HABP2: variants seen among roughly 807,000 people sequenced by gnomAD.
The protein encoded by HABP2 is hyaluronan binding protein 2, also known as factor VII-activating protease.
HABP2 carries 65 observed loss-of-function variants against 66.5 expected under a neutral mutation model. The observed-to-expected ratio is 0.98, with a 90% confidence interval of 0.80 to 1.20. The LOEUF (loss-of-function observed/expected upper bound fraction) is 1.20, where lower values mean the gene tolerates loss of function less well. HABP2 is among the 50% of genes most tolerant of loss of function. The pLI, the probability that HABP2 is intolerant of heterozygous loss-of-function variation, is 0.00. For missense variants in HABP2, 786 were observed against 691.0 expected (o/e 1.14, Z -1.54); for synonymous variants, 263 against 253.9 (o/e 1.04, Z -0.34).
upstream of HABP2, among the ~76,000 whole-genome samples, chr10:113,552,274 G>T (rs566490396): frequency 6.6e-6 from 1 of 152,292 alleles, no homozygotes; most frequent in South Asian, 2.1e-4. Context: ...ATTTCTGTGG[G>T]CAGTCAGTTG....
At chr10:113,552,996 A>G, upstream of HABP2, 1 of 699,128 alleles carries the variant, frequency 1.4e-6, no homozygotes, top group Non-Finnish European at 2.6e-6. Flanking sequence ...TTTGATGCCT[A>G]GTTAATAATT....
At chr10:113,581,739 C>A (rs548966688) in intron 8 of HABP2, 137 bp from the exon 9 acceptor site, 1 of 774,780 alleles carries the variant, frequency 1.3e-6, no homozygotes, top group African/African-American at 1.7e-5. Flanking sequence ...GCATGCCCAC[C>A]CTGTCTGCAC....
intron 2 of HABP2, among the ~76,000 whole-genome samples, chr10:113,570,680 T>TA (rs1845290791): frequency 6.6e-6 from 1 of 152,254 alleles, no homozygotes; most frequent in South Asian, 2.1e-4. Context: ...ACCCATTTCT[T>TA]ACACAGTTTC....
intron 6 of HABP2, 112 bp from the exon 7 acceptor site, chr10:113,578,515 C>T (rs555344350): frequency 6.8e-5 from 49 of 724,818 alleles, no homozygotes; most frequent in Middle Eastern, 3.4e-4. Flanking sequence ...AATCTCAGGG[C>T]GATAAATATG....
intron 1 of HABP2, among the ~76,000 whole-genome samples, chr10:113,567,210 G>A (rs553060763): frequency 5.9e-5 from 9 of 152,320 alleles, no homozygotes; most frequent in South Asian, 2.1e-4. Context: ...CTGGGCAGCC[G>A]TGTTCCAAAG....
At chr10:113,567,337 T>C (rs111226867) in intron 1 of HABP2, 152 bp from the exon 2 acceptor site, 2 of 675,484 alleles carry the variant, frequency 3.0e-6, no homozygotes, top group African/African-American at 3.5e-5. Context: ...TAGACCCCAT[T>C]GCCCCTCCCT....
At chr10:113,554,057 A>G (rs1166459565) in intron 1 of HABP2, among the ~76,000 whole-genome samples, 1 of 152,200 alleles carries the variant, frequency 6.6e-6, no homozygotes, top group Non-Finnish European at 1.5e-5. Context: ...AATGTTGGGC[A>G]AGGAACATAA....
intron 4 of HABP2, 150 bp downstream of exon 4, chr10:113,576,154 AGC>A (rs1223464995): frequency 5.0e-6 from 3 of 603,434 alleles, no homozygotes; most frequent in Non-Finnish European, 8.9e-6. Flanking sequence ...GGTCCCAGGC[AGC>A]CTCTCACTGG....
At chr10:113,553,475 T>A (rs1263373784) in intron 1 of HABP2, among the ~76,000 whole-genome samples, 1 of 152,246 alleles carries the variant, frequency 6.6e-6, no homozygotes, top group African/African-American at 2.4e-5. Flanking sequence ...GCATGGATTG[T>A]AATCTGTCAT....
rs1845589373 is a variant in HABP2, at chr10:113,584,013, C to G, written c.1238-135C>G. ...GTGGAAGTTCAAAATATGAAATGAC[C>G]ACGGAAGAAGATTTTCAGGCATGGT... On this transcript the variant is annotated intron_variant, in intron 10 of 12. Transcript: ENST00000351270. 5 of 666,740 alleles carry G rather than the reference C, an allele frequency of 7.5e-6. No individual in the cohort carries two copies. The South Asian group carries it at 9.9e-5, about 13-fold the overall frequency. The allele number at this position is 666,740 out of a possible 1,614,324, so 41.3% of individuals were successfully genotyped here. A position where few individuals can be genotyped will look rare whatever the true frequency, so the allele number is the denominator to read the frequency against.
intron 4 of HABP2, among the ~76,000 whole-genome samples, chr10:113,576,412 A>G (rs1448710671): frequency 1.3e-5 from 2 of 152,196 alleles, no homozygotes; most frequent in Non-Finnish European, 2.9e-5. Flanking sequence ...GGGGCATTTG[A>G]TCAAGGTCAC....
At chr10:113,555,365 G>A (rs1027627827) in intron 1 of HABP2, among the ~76,000 whole-genome samples, 5 of 152,180 alleles carry the variant, frequency 3.3e-5, no homozygotes, top group Non-Finnish European at 7.3e-5. Flanking sequence ...AGATTTCTTT[G>A]GTTCGTACAG....
chr10:113,574,497 C>T, intron 3 of HABP2, 92 bp downstream of exon 3: 1 of 690,942 alleles, frequency 1.4e-6, no homozygotes, highest in Non-Finnish European at 2.6e-6. Flanking sequence ...CTCTCCGCCT[C>T]TCTGGCCAGT....
At position 113,578,027 on chromosome 10, in the gene HABP2, G is replaced by A; in HGVS notation, c.450G>A (p.Val150=). 1.2e-6 allele frequency: 2 copies of A among 1,614,106 alleles called. No individual in the cohort carries two copies. The highest frequency in any genetic ancestry group is 1.7e-6 in the Non-Finnish European group (2 of 1,180,010). The change falls in exon 6 of 13, where the codon GTG becomes GTA. Residue 150 remains valine, a splice_region_variant and synonymous_variant. Coordinates refer to ENST00000351270, the MANE Select transcript of HABP2 (RefSeq NM_004132.5). ...HPYTGPSCSQ[V]VPVCRPNPCQ... is the part of the protein sequence containing the mutation. ...CTGGCCCCATTCCTGTGTTCACAGTGGTTCCTGTATGCAGGCCAAACCCCT... is the reference window on the plus strand; with the variant it reads ...CTGGCCCCATTCCTGTGTTCACAGTAGTTCCTGTATGCAGGCCAAACCCCT...
chr10:113,572,541 A>G, intron 2 of HABP2: 1 of 270,508 alleles, frequency 3.7e-6, no homozygotes, highest in South Asian at 3.4e-5. Flanking sequence ...CAATGCAATC[A>G]GCTCCTTATC....
In HABP2 at chr10:113,570,128, TA is replaced by T. The variant is rs1845278541; in HGVS notation, c.106+2608del. The stretch of plus-strand genomic sequence containing the variant: ...AAACCTATAAGAGATTCCAGGATCG[TA>T]AAAAGGCAAATAAAACTTGGAGTTA... On this transcript the variant is annotated intron_variant, in intron 2 of 12. Transcript: ENST00000351270. 2.0e-5 allele frequency: 3 copies of T among 152,338 alleles called. No individual in the cohort carries two copies. In the South Asian group the frequency reaches 6.2e-4, roughly 32 times the overall value. 9.4% of individuals were successfully genotyped at this position (152,338 alleles called of 1,614,324 possible).
intron 1 of HABP2, among the ~76,000 whole-genome samples, chr10:113,561,751 T>C (rs1356958272): frequency 2.0e-5 from 3 of 152,210 alleles, no homozygotes; most frequent in African/African-American, 7.2e-5. Flanking sequence ...AACGAATTTC[T>C]GGAACACATC....
In HABP2 at chr10:113,575,918, G is replaced by T. The variant is rs1283192009; in HGVS notation, c.245G>T (p.Cys82Phe). 1 of 1,609,404 alleles carries T rather than the reference G, an allele frequency of 6.2e-7. No homozygotes were observed. Among genetic ancestry groups the T allele is most frequent in the Non-Finnish European group, 8.5e-7 (1 of 1,175,762 alleles). Residue 82 changes from cysteine (C) to phenylalanine (F), a missense_variant, in exon 4 of 13, where the codon TGT (cysteine) becomes TTT (phenylalanine). Physicochemically the swap from Cys to Phe is radical, Grantham distance 205. Coordinates refer to ENST00000351270, the MANE Select transcript of HABP2 (RefSeq NM_004132.5). The stretch of plus-strand genomic sequence containing the variant: ...TTAGATCCATGCCAGCCCAACCCCT[G>T]TGAACACGGTGGGGACTGCCTCGTC... Reference protein sequence around the residue: ...DQADPCQPNPCEHGGDCLVHG... With the variant: ...DQADPCQPNPFEHGGDCLVHG...
At chr10:113,586,107 C>T (rs1845628838) in intron 12 of HABP2, among the ~76,000 whole-genome samples, 169 bp downstream of exon 12, 1 of 152,210 alleles carries the variant, frequency 6.6e-6, no homozygotes, top group Non-Finnish European at 1.5e-5. Flanking sequence ...GCATCTGCAT[C>T]CGCATCAACC....
Sources: gnomAD v4.1 joint callset for allele counts (sites outside exome capture counted in the v4.1 genomes callset) on GRCh38, gnomAD v4.1.1 for gene constraint, MANE v1.5 for transcripts, NCBI Gene and HGNC (gene_info 2026-07-23, HGNC 2026-07-21) for gene names.